PTPRN2: variants seen among roughly 807,000 people sequenced by gnomAD.
PTPRN2 encodes the protein receptor-type tyrosine-protein phosphatase N2.
In PTPRN2, 74 loss-of-function variants were observed where a neutral mutation model predicts 118.8. The ratio of observed to expected loss-of-function variants is 0.62; its 90% confidence interval spans 0.52 to 0.76. PTPRN2 has a LOEUF of 0.76. Ranked by LOEUF, PTPRN2 falls within the 30% of genes least tolerant of loss-of-function variation. The probability of loss-of-function intolerance (pLI) is 0.00; values close to 1 mark genes in which losing one functional copy is unlikely to be tolerated. For missense variants in PTPRN2, 1,481 were observed against 1,394.4 expected (o/e 1.06, Z -0.99); for synonymous variants, 641 against 608.0 (o/e 1.05, Z -0.80).
At chr7:158,394,729 C>T (rs1443306533) in intron 2 of PTPRN2, among the ~76,000 whole-genome samples, 4 of 152,222 alleles carry the variant, frequency 2.6e-5, no homozygotes, top group African/African-American at 4.8e-5. Flanking sequence ...CAGGACGGGG[C>T]GACAAGGACT....
chr7:157,769,027 A>T (rs1469650744), intron 12 of PTPRN2, among the ~76,000 whole-genome samples: 1 of 152,204 alleles, frequency 6.6e-6, no homozygotes, highest in Non-Finnish European at 1.5e-5. Context: ...GTCAGCATAA[A>T]AATATGGCCG....
chr7:158,231,819 A>G (rs1829180656), intron 3 of PTPRN2, among the ~76,000 whole-genome samples: 2 of 152,162 alleles, frequency 1.3e-5, no homozygotes, highest in African/African-American at 4.8e-5. Flanking sequence ...AACAAGAAGA[A>G]CCCCAGAAAC....
chr7:158,247,383 G>A (rs556358813), intron 3 of PTPRN2, among the ~76,000 whole-genome samples: 22 of 151,748 alleles, frequency 1.4e-4, no homozygotes, highest in Non-Finnish European at 2.2e-4. Context: ...CCGTGTCTGC[G>A]TGTCTAAGCA....
rs1363287258 is a variant in PTPRN2, at chr7:158,352,288, T to C, written c.164-35356A>G. Among the ~76,000 whole-genome samples the C allele has an allele frequency of 3.3e-5, 4 of 119,438 alleles. 1 individual carries two copies. The highest frequency in any genetic ancestry group is 1.7e-4 in the Admixed American group (2 of 11,532). 78.4% of individuals were successfully genotyped at this position (119,438 alleles called of 152,430 possible). The stretch of plus-strand genomic sequence containing the variant: ...TCCCCTCCTGTCCACTCCCCTCCTG[T>C]CTGCTCCCCTCTTGACTGCTCCCCT... On this transcript the variant is annotated intron_variant, in intron 2 of 22. Transcript: ENST00000389418.
intron 2 of PTPRN2, among the ~76,000 whole-genome samples, chr7:158,466,323 C>T (rs1819382348): frequency 6.6e-6 from 1 of 152,144 alleles, no homozygotes; most frequent in African/African-American, 2.4e-5. Context: ...TCGCCACTCC[C>T]ACCCCCCAAA....
At chr7:158,291,154 C>A (rs576192059) in intron 3 of PTPRN2, among the ~76,000 whole-genome samples, 1 of 152,202 alleles carries the variant, frequency 6.6e-6, no homozygotes, top group African/African-American at 2.4e-5. Flanking sequence ...GATGTAACAG[C>A]TTCCATTTGT....
chr7:157,947,360 G>A (rs1800551700), intron 11 of PTPRN2, among the ~76,000 whole-genome samples: 1 of 152,194 alleles, frequency 6.6e-6, no homozygotes, highest in South Asian at 2.1e-4. Flanking sequence ...GTGCTAAATT[G>A]AGAAAGAGAA....
chr7:157,894,218 G>C (rs1371666285), intron 12 of PTPRN2, among the ~76,000 whole-genome samples: 2 of 152,230 alleles, frequency 1.3e-5, no homozygotes, highest in Non-Finnish European at 2.9e-5. Flanking sequence ...CGAGAGCACA[G>C]GAAGAAAGTG....
intron 21 of PTPRN2, among the ~76,000 whole-genome samples, chr7:157,562,589 C>A (rs1799244644): frequency 6.6e-6 from 1 of 152,172 alleles, no homozygotes; most frequent in African/African-American, 2.4e-5. Context: ...AGTCCGGGGA[C>A]CTTCAAAGTC....
chr7:158,035,713 C>T (rs1563348880), intron 11 of PTPRN2, among the ~76,000 whole-genome samples: 1 of 152,224 alleles, frequency 6.6e-6, no homozygotes, highest in Admixed American at 6.5e-5. Context: ...ACATGAGTGT[C>T]AAATCCTAAT....
intron 2 of PTPRN2, among the ~76,000 whole-genome samples, chr7:158,391,379 G>A (rs1811916176): frequency 6.6e-6 from 1 of 152,148 alleles, no homozygotes; most frequent in African/African-American, 2.4e-5. Flanking sequence ...TCCAGGTCCG[G>A]GCCCTGACAC....
chr7:158,002,960 G>A (rs1805380174), intron 11 of PTPRN2, among the ~76,000 whole-genome samples: 1 of 152,142 alleles, frequency 6.6e-6, no homozygotes, highest in African/African-American at 2.4e-5. Flanking sequence ...AGCACAAGTG[G>A]GGGTCTGCTA....
chr7:157,738,749 GTGC>G (rs1800454773), intron 12 of PTPRN2, among the ~76,000 whole-genome samples: 1 of 152,020 alleles, frequency 6.6e-6, no homozygotes, highest in Non-Finnish European at 1.5e-5. Flanking sequence ...TCAGAGCTCC[GTGC>G]TGTTTCTGGA....
At chr7:157,665,444 C>T (rs899145243) in intron 13 of PTPRN2, among the ~76,000 whole-genome samples, 4 of 152,198 alleles carry the variant, frequency 2.6e-5, no homozygotes, top group African/African-American at 4.8e-5. Context: ...GCGATGTCGG[C>T]GGCACTTGCG....
At chr7:157,559,330 A>G (rs1799063215) in intron 21 of PTPRN2, among the ~76,000 whole-genome samples, 1 of 152,200 alleles carries the variant, frequency 6.6e-6, no homozygotes, top group African/African-American at 2.4e-5. Flanking sequence ...GGCAGGGATG[A>G]TGCTCTGGGA....
At chr7:157,548,790 C>T (rs959702211) in intron 22 of PTPRN2, among the ~76,000 whole-genome samples, 156 bp downstream of exon 22, 2 of 152,158 alleles carry the variant, frequency 1.3e-5, no homozygotes, top group East Asian at 1.9e-4. Flanking sequence ...GAAGTGACCC[C>T]GCCCATGCAA....
At chr7:157,750,758 T>C (rs1801414181) in intron 12 of PTPRN2, among the ~76,000 whole-genome samples, 1 of 152,246 alleles carries the variant, frequency 6.6e-6, no homozygotes, top group African/African-American at 2.4e-5. Flanking sequence ...TTCTTAAATG[T>C]ACCGCAGCGT....
chr7:158,143,030 G>A (rs895313442), intron 6 of PTPRN2, among the ~76,000 whole-genome samples: 2 of 152,026 alleles, frequency 1.3e-5, no homozygotes, highest in Admixed American at 6.6e-5. Flanking sequence ...ACCGAGCCAC[G>A]AGCCCAGAGC....
At chr7:158,476,786 T>C (rs1177411971) in intron 2 of PTPRN2, among the ~76,000 whole-genome samples, 3 of 152,370 alleles carry the variant, frequency 2.0e-5, no homozygotes, top group Non-Finnish European at 2.9e-5. Flanking sequence ...GTCAATCTGG[T>C]TCTGTTCCTC....
Sources: gnomAD v4.1 joint callset for allele counts (sites outside exome capture counted in the v4.1 genomes callset) on GRCh38, gnomAD v4.1.1 for gene constraint, MANE v1.5 for transcripts, NCBI Gene and HGNC (gene_info 2026-07-23, HGNC 2026-07-21) for gene names.